Variants in PAG1 observed in about 807,000 individuals in gnomAD.
PAG1 encodes phosphoprotein membrane anchor with glycosphingolipid microdomains 1.
In PAG1, 23 loss-of-function variants were observed where a neutral mutation model predicts 31.7. The observed-to-expected ratio is 0.73, with a 90% CI of 0.52 to 1.03. The LOEUF is 1.03. Ranked by LOEUF, PAG1 falls within the 50% of genes least tolerant of loss-of-function variation. The probability of loss-of-function intolerance (pLI) is 0.00; values close to 1 mark genes in which losing one functional copy is unlikely to be tolerated. For synonymous variants in PAG1, 214 were observed against 210.3 expected (o/e 1.02, Z -0.15); for missense variants, 473 against 540.7 (o/e 0.87, Z 1.24).
At chr8:81,029,364 T>TCA (rs71266099) in intron 3 of PAG1, among the ~76,000 whole-genome samples, 6,344 of 145,450 alleles carry the variant, frequency 0.044, 164 homozygotes, top group African/African-American at 0.061. Flanking sequence ...TCTCTCTCTC[T>TCA]CACACACACA....
intron 1 of PAG1, among the ~76,000 whole-genome samples, chr8:81,082,021 G>C (rs968864181): frequency 6.6e-6 from 1 of 151,950 alleles, no homozygotes; most frequent in African/African-American, 2.4e-5. Context: ...GGGAGGCCGA[G>C]GCAGGCAGAA....
chr8:81,011,551 C>T (rs1029227460), intron 3 of PAG1, among the ~76,000 whole-genome samples: 3 of 152,146 alleles, frequency 2.0e-5, no homozygotes, highest in South Asian at 2.1e-4. Context: ...AGCATGAAAA[C>T]GGACTAATAC....
chr8:81,102,733 G>A (rs1809628667), intron 1 of PAG1, among the ~76,000 whole-genome samples: 1 of 152,126 alleles, frequency 6.6e-6, no homozygotes, highest in Non-Finnish European at 1.5e-5. Flanking sequence ...AATACAAGTT[G>A]TAACATTAAA....
At chr8:81,078,925 T>C (rs1368783328) in intron 1 of PAG1, among the ~76,000 whole-genome samples, 21 of 152,254 alleles carry the variant, frequency 1.4e-4, no homozygotes, top group Non-Finnish European at 4.4e-5. Flanking sequence ...TATTCAATAT[T>C]TATTTCATTT....
chr8:81,075,567 T>C (rs1401520554), intron 1 of PAG1, among the ~76,000 whole-genome samples: 1 of 152,248 alleles, frequency 6.6e-6, no homozygotes, highest in African/African-American at 2.4e-5. Flanking sequence ...GACACCATGC[T>C]ATACATTCCA....
intron 1 of PAG1, among the ~76,000 whole-genome samples, chr8:81,110,433 G>A (rs1809755837): frequency 6.6e-6 from 1 of 152,130 alleles, no homozygotes; most frequent in African/African-American, 2.4e-5. Flanking sequence ...CATCAATGAT[G>A]ATAATCCATA....
chr8:81,062,735 G>A (rs1329317387), intron 2 of PAG1, among the ~76,000 whole-genome samples: 4 of 151,882 alleles, frequency 2.6e-5, no homozygotes, highest in Non-Finnish European at 4.4e-5. Context: ...TCTTTGCCCA[G>A]GCTGGAGTAC....
At chr8:81,034,465 C>T (rs1363114777) in intron 2 of PAG1, among the ~76,000 whole-genome samples, 1 of 152,172 alleles carries the variant, frequency 6.6e-6, no homozygotes, top group Non-Finnish European at 1.5e-5. Flanking sequence ...AAACATCATT[C>T]CAGTAAATAC....
rs1809779134 is a variant in PAG1 at position 81,111,792 on chromosome 8, C to G, written c.-435G>C. On this transcript the variant is annotated 5_prime_UTR_variant, in exon 1 of 9. Coordinates refer to ENST00000220597, the MANE Select transcript of PAG1 (RefSeq NM_018440.4). ...CGCCAGGGCACACGACTCAGCGAGG[C>G]GGCGGCTGGGACTGAGGCTACTGCA... The G allele has an allele frequency of 6.6e-6, 1 of 152,300 alleles. No homozygotes were observed. The highest frequency in any genetic ancestry group is 6.5e-5 in the Admixed American group (1 of 15,286). The allele number at this position is 152,300 out of a possible 1,614,324, so 9.4% of individuals were successfully genotyped here.
chr8:80,979,910 T>C (rs1280927053), intron 8 of PAG1, among the ~76,000 whole-genome samples: 1 of 152,204 alleles, frequency 6.6e-6, no homozygotes, highest in Admixed American at 6.5e-5. Context: ...CTTGGGAATA[T>C]GCGATCTGCT....
rs1809482898 is a variant in PAG1 at position 81,093,681 on chromosome 8, CCAAGCAG to C, written c.-234+17903_-234+17909del. Among the ~76,000 whole-genome samples, 7 of 152,116 alleles carry C rather than the reference CCAAGCAG, an allele frequency of 4.6e-5. No individual in the cohort carries two copies. The South Asian group carries it at 1.5e-3, about 32-fold the overall frequency. The stretch of plus-strand genomic sequence containing the variant: ...AATGATGTGAGACTGACCACCAAGA[CCAAGCAG>C]CACAATATCCCCCTAGGGAAACCTG... On this transcript the variant is annotated intron_variant, in intron 1 of 8. Coordinates refer to ENST00000220597, the MANE Select transcript of PAG1 (RefSeq NM_018440.4).
At chr8:81,043,255 C>T (rs968010295) in intron 2 of PAG1, among the ~76,000 whole-genome samples, 2 of 152,096 alleles carry the variant, frequency 1.3e-5, no homozygotes, top group African/African-American at 4.8e-5. Flanking sequence ...TTTTGGTATA[C>T]TGCATGCTTA....
At chr8:81,002,801 C>T (rs1344692563) in intron 3 of PAG1, among the ~76,000 whole-genome samples, 1 of 152,172 alleles carries the variant, frequency 6.6e-6, no homozygotes, top group Non-Finnish European at 1.5e-5. Context: ...AACACACATC[C>T]CTCCAAGTTA....
chr8:80,986,434 T>C (rs760930832), intron 6 of PAG1, among the ~76,000 whole-genome samples: 4 of 152,156 alleles, frequency 2.6e-5, no homozygotes, highest in African/African-American at 7.2e-5. Flanking sequence ...GTGTAAACTC[T>C]AAAGCATGAA....
intron 2 of PAG1, among the ~76,000 whole-genome samples, chr8:81,055,176 G>A (rs189645023): frequency 6.0e-5 from 9 of 149,564 alleles, no homozygotes; most frequent in African/African-American, 1.2e-4. Context: ...CGATCCTCCC[G>A]CCTCAGCCTC....
intron 2 of PAG1, among the ~76,000 whole-genome samples, chr8:81,030,884 GGAAT>G (rs1808368555): frequency 6.6e-6 from 1 of 152,306 alleles, no homozygotes; most frequent in East Asian, 1.9e-4. Context: ...GGAGAGGGAC[GGAAT>G]GAATGAATGA....
intron 3 of PAG1, among the ~76,000 whole-genome samples, chr8:81,021,085 G>A (rs950108829): frequency 1.2e-4 from 19 of 152,270 alleles, no homozygotes; most frequent in African/African-American, 4.6e-4. Context: ...AACAGCAGAA[G>A]TGTGTTCAAG....
intron 1 of PAG1, among the ~76,000 whole-genome samples, chr8:81,094,278 A>T (rs192581934): frequency 2.3e-4 from 35 of 152,272 alleles, no homozygotes; most frequent in African/African-American, 8.2e-4. Context: ...TTAAGCTAGA[A>T]CCTTCCTCAC....
At chr8:81,089,327 TG>T (rs1200310468) in intron 1 of PAG1, among the ~76,000 whole-genome samples, 1 of 152,124 alleles carries the variant, frequency 6.6e-6, no homozygotes, top group East Asian at 1.9e-4. Context: ...CCCAGCACTT[TG>T]GGGGCTGAGG....
Sources: gnomAD v4.1 joint callset for allele counts (sites outside exome capture counted in the v4.1 genomes callset) on GRCh38, gnomAD v4.1.1 for gene constraint, MANE v1.5 for transcripts, NCBI Gene and HGNC (gene_info 2026-07-23, HGNC 2026-07-21) for gene names.